DENND5A: variants seen among roughly 807,000 people sequenced by gnomAD.
DENND5A encodes the protein DENN domain containing 5A.
DENND5A carries 64 observed loss-of-function variants against 140.3 expected under a neutral mutation model. The observed-to-expected ratio is 0.46, with a 90% CI of 0.37 to 0.56. DENND5A has a LOEUF of 0.56. DENND5A is among the 20% of genes least tolerant of loss of function. DENND5A has a pLI of 0.00. For synonymous variants in DENND5A, 605 were observed against 607.7 expected (o/e 1.00, Z 0.07); for missense variants, 1,292 against 1,593.8 (o/e 0.81, Z 3.22).
intron 1 of DENND5A, chr11:9,242,760 T>C (rs1204850114): frequency 6.6e-6 from 1 of 152,130 alleles, no homozygotes; most frequent in African/African-American, 2.4e-5. Context: ...ACCCACAGTG[T>C]ACTAGTGAGC....
Position 9,142,021 on chromosome 11 carries a change from C to T in DENND5A, c.3599G>A (p.Arg1200Gln), listed in dbSNP as rs138580044. 15 of 1,605,818 alleles carry T rather than the reference C, an allele frequency of 9.3e-6. No homozygotes were observed. The highest frequency in any genetic ancestry group is 5.1e-5 in the Admixed American group (3 of 58,844). The part of the protein sequence containing the change: ...NWHTRARNFC[R>Q]FVTAINNTPR... ...AGTATTGTTGATTGCAGTGACAAAT[C>T]GGCAGAAGTTCCGGGCTCTTGTATG... The change falls in exon 22 of 23, where the codon CGA (arginine) becomes CAA (glutamine). Residue 1200 changes from arginine (R) to glutamine (Q), a missense_variant. Physicochemically the swap from Arg to Gln is conservative, Grantham distance 43. This residue lies in a region of DENND5A where 498 missense variants were observed against 689.7 expected (regional missense o/e 0.72). Coordinates refer to ENST00000328194, the MANE Select transcript of DENND5A (RefSeq NM_015213.4).
chr11:9,185,796 T>C (rs1378266285), intron 5 of DENND5A, among the ~76,000 whole-genome samples: 3 of 152,128 alleles, frequency 2.0e-5, no homozygotes, highest in Non-Finnish European at 4.4e-5. Flanking sequence ...GTATGTTATC[T>C]CTGTGTCTTT....
chr11:9,257,418 CAGACTCTGTCTCTTAAAAAA>C (rs896648046), intron 1 of DENND5A, among the ~76,000 whole-genome samples: 2 of 135,472 alleles, frequency 1.5e-5, no homozygotes, highest in Non-Finnish European at 1.5e-5. Flanking sequence ...GCAACAGAGA[CAGACTCTGTCTCTTAAAAAA>C]AAAAAAAAAA....
chr11:9,144,278 C>T lies in DENND5A; in HGVS notation c.3123G>A (p.Lys1041=), dbSNP rs754401792. The T allele has an allele frequency of 6.2e-7, 1 of 1,613,818 alleles. No individual in the cohort carries two copies. The highest frequency in any genetic ancestry group is 1.7e-5 in the Admixed American group (1 of 60,008). Residue 1041 remains lysine (K), a splice_region_variant and synonymous_variant, in exon 19 of 23, where the codon AAG becomes AAA. Transcript: ENST00000328194. ...TCCCTAACCACCGGCCACACGGGAA[C>T]CTGAAGATCAGACAATGGACTGTCA... ...VRNEITGHTY[K]FPCGRWLGKG...
At chr11:9,183,959 G>A (rs1308798551) in intron 5 of DENND5A, among the ~76,000 whole-genome samples, 6 of 151,960 alleles carry the variant, frequency 3.9e-5, no homozygotes, top group Non-Finnish European at 8.8e-5. Context: ...GCTGAGGCAG[G>A]AGAATCGCTT....
intron 1 of DENND5A, among the ~76,000 whole-genome samples, chr11:9,230,495 C>A (rs896946824): frequency 2.0e-5 from 3 of 152,040 alleles, no homozygotes. Context: ...CCCAGCACAG[C>A]CTCCCAAAGA....
intron 3 of DENND5A, among the ~76,000 whole-genome samples, chr11:9,204,873 G>A (rs753485702): frequency 6.6e-6 from 1 of 152,122 alleles, no homozygotes; most frequent in Non-Finnish European, 1.5e-5. Flanking sequence ...AAAAGGTAAT[G>A]TTAGAGTTCA....
chr11:9,179,184 A>G (rs779312890), intron 6 of DENND5A, 111 bp from the exon 7 acceptor site: 2 of 895,104 alleles, frequency 2.2e-6, no homozygotes, highest in Non-Finnish European at 1.7e-6. Flanking sequence ...TAATTTACTT[A>G]GCAGGAAATG....
chr11:9,142,944 C>T lies in DENND5A; in HGVS notation c.3388-99G>A, dbSNP rs182220497. The T allele has an allele frequency of 2.7e-6, 4 of 1,494,700 alleles. No individual in the cohort carries two copies. In the Admixed American group the frequency reaches 6.0e-5, roughly 22 times the overall value. 92.6% of individuals were successfully genotyped at this position (1,494,700 alleles called of 1,614,324 possible). On this transcript the variant is annotated intron_variant, in intron 20 of 22. Coordinates refer to ENST00000328194, the MANE Select transcript of DENND5A (RefSeq NM_015213.4). The stretch of plus-strand genomic sequence containing the variant: ...CCACAGCCCAGAGTTGGGAGGGCTG[C>T]AAAAGACAGGCTAGGACTTTGTCTG...
intron 11 of DENND5A, among the ~76,000 whole-genome samples, chr11:9,163,808 A>C (rs1369471031): frequency 1.3e-5 from 2 of 151,724 alleles, no homozygotes; most frequent in African/African-American, 2.4e-5. Context: ...CATCTCAAAA[A>C]AAAAAAAAAA....
intron 1 of DENND5A, among the ~76,000 whole-genome samples, chr11:9,259,996 C>G (rs1852121488): frequency 1.4e-5 from 2 of 146,590 alleles, no homozygotes. Context: ...CCATTGCACT[C>G]CAGCCTGGGC....
intron 1 of DENND5A, among the ~76,000 whole-genome samples, chr11:9,259,620 A>G (rs1852104286): frequency 6.6e-6 from 1 of 152,086 alleles, no homozygotes; most frequent in Non-Finnish European, 1.5e-5. Context: ...ACAGTGGCCA[A>G]GGTGATCTCA....
At chr11:9,158,829 A>T (rs1003805554) in intron 12 of DENND5A, among the ~76,000 whole-genome samples, 1 of 152,198 alleles carries the variant, frequency 6.6e-6, no homozygotes, top group Non-Finnish European at 1.5e-5. Flanking sequence ...TTTTTAAAAA[A>T]CCACTTCATT....
intron 22 of DENND5A, 73 bp downstream of exon 22, chr11:9,141,867 T>C (rs1207906194): frequency 1.8e-5 from 25 of 1,427,624 alleles, no homozygotes; most frequent in Middle Eastern, 5.2e-4. Flanking sequence ...TCCTCACCCC[T>C]GCACTGCACC....
intron 1 of DENND5A, among the ~76,000 whole-genome samples, chr11:9,249,576 T>G (rs560267105): frequency 6.6e-6 from 1 of 152,212 alleles, no homozygotes; most frequent in African/African-American, 2.4e-5. Flanking sequence ...GAGACAGAGT[T>G]TCGCTCTTGT....
intron 1 of DENND5A, among the ~76,000 whole-genome samples, chr11:9,241,712 T>C (rs1451093596): frequency 6.6e-6 from 1 of 152,078 alleles, no homozygotes; most frequent in African/African-American, 2.4e-5. Context: ...ACCCTGACCA[T>C]CCTATTAAAA....
At chr11:9,201,176 G>A (rs1268114839) in intron 4 of DENND5A, among the ~76,000 whole-genome samples, 2 of 151,822 alleles carry the variant, frequency 1.3e-5, no homozygotes, top group Non-Finnish European at 2.9e-5. Context: ...TGCCAGCCTG[G>A]GCAATAAAGC....
At chr11:9,178,081 T>G in intron 8 of DENND5A, 51 bp downstream of exon 8, 1 of 1,265,128 alleles carries the variant, frequency 7.9e-7, no homozygotes, top group Non-Finnish European at 1.2e-6. Context: ...AAGGGACATG[T>G]TAATGCCATA....
At chr11:9,177,903 T>C in intron 8 of DENND5A, 2 of 479,364 alleles carry the variant, frequency 4.2e-6, no homozygotes, top group Non-Finnish European at 3.7e-6. Flanking sequence ...TTTAACCCAC[T>C]GCTGATTAGG....
Sources: allele counts gnomAD v4.1 joint callset (sites outside exome capture counted in the v4.1 genomes callset), GRCh38; gene constraint gnomAD v4.1.1; regional missense constraint gnomAD v4.1.1; transcripts MANE v1.5; gene names NCBI Gene and HGNC (gene_info 2026-07-23, HGNC 2026-07-21).